Variants in TTC6 observed in about 807,000 individuals in gnomAD.
TTC6 encodes the protein tetratricopeptide repeat protein 6.
Under a neutral mutation model 210.4 loss-of-function variants are expected in TTC6, and 172 were observed. The ratio of observed to expected loss-of-function variants is 0.82; its 90% CI spans 0.72 to 0.93. TTC6 has a LOEUF of 0.93. Ranked by LOEUF, TTC6 falls within the 40% of genes least tolerant of loss-of-function variation. The pLI is 0.00. For synonymous variants in TTC6, 804 were observed against 819.6 expected, an observed-to-expected ratio of 0.98 and a Z score of 0.32; for missense variants, 2,414 against 2,318.1, an observed-to-expected ratio of 1.04 and a Z score of -0.85.
At chr14:37,604,458 C>T (rs2095621452) in intron 1 of TTC6, among the ~76,000 whole-genome samples, 1 of 152,116 alleles carries the variant, frequency 6.6e-6, no homozygotes, top group South Asian at 2.1e-4. Flanking sequence ...CCCTTCCTCC[C>T]CCTAGGCGAG....
At position 37,654,145 on chromosome 14, in the gene TTC6, C is replaced by CTTCAGTATTG. The variant is rs1276808309; in HGVS notation, c.940-26005_940-26004insTCAGTATTGT. Among the ~76,000 whole-genome samples the CTTCAGTATTG allele has an allele frequency of 2.6e-5, 4 of 152,106 alleles. No homozygotes were observed. In the East Asian group the frequency reaches 5.8e-4, roughly 22 times the overall value. On this transcript the variant is annotated intron_variant, in intron 1 of 30. Coordinates refer to ENST00000553443, the Ensembl canonical transcript of TTC6. ...TAATCCCCAATACTGAAGGTGGGGC[C>CTTCAGTATTG]TGTTGTGAGGGGACTGGATCATGGG... is the stretch of plus-strand genomic sequence containing the variant.
chr14:37,723,781 C>T (rs2095866365), intron 6 of TTC6, among the ~76,000 whole-genome samples: 2 of 152,124 alleles, frequency 1.3e-5, no homozygotes, highest in Admixed American at 1.3e-4. Context: ...GTTTGTAATA[C>T]AGTTAGATTG....
chr14:37,647,241 A>G lies in TTC6; in HGVS notation c.939+24238A>G, dbSNP rs368575073. 3.9e-5 allele frequency among the ~76,000 whole-genome samples: 6 copies of G among 152,334 alleles called. No homozygotes were observed. In the East Asian group the frequency reaches 7.7e-4, roughly 20 times the overall value. On this transcript the variant is annotated intron_variant, in intron 1 of 30. Transcript: ENST00000553443. Reference sequence around the variant, plus strand: ...ACACTGGAGGGTTTTGAGCAGGGACATGACATGATCTGATCTTGTTTTAAA... The same window carrying G: ...ACACTGGAGGGTTTTGAGCAGGGACGTGACATGATCTGATCTTGTTTTAAA...
intron 1 of TTC6, among the ~76,000 whole-genome samples, chr14:37,674,647 C>T (rs1244362675): frequency 6.6e-6 from 1 of 152,140 alleles, no homozygotes; most frequent in Non-Finnish European, 1.5e-5. Flanking sequence ...ACCGCTTTAT[C>T]ATTCCACCTT....
At chr14:37,609,563 T>C (rs1053384510) in intron 2 of TTC6, among the ~76,000 whole-genome samples, 2 of 152,220 alleles carry the variant, frequency 1.3e-5, no homozygotes, top group Admixed American at 1.3e-4. Flanking sequence ...GCCTAGTTCA[T>C]GGATTGTATT....
chr14:37,657,085 A>G (rs177872), intron 1 of TTC6, among the ~76,000 whole-genome samples: 43,900 of 151,422 alleles, frequency 0.29, 6,651 homozygotes, highest in Non-Finnish European at 0.34. Flanking sequence ...AGTGGCGCAT[A>G]CCGGTAGCCC....
chr14:37,712,679 G>A (rs142708778), intron 5 of TTC6, among the ~76,000 whole-genome samples: 1 of 152,072 alleles, frequency 6.6e-6, no homozygotes, highest in African/African-American at 2.4e-5. Context: ...AGGGGGAAAA[G>A]CCCCTTATGA....
In TTC6 at chr14:37,818,410, G is replaced by T. The variant is rs187754888; in HGVS notation, c.4763+759G>T. The stretch of plus-strand genomic sequence containing the variant: ...AAATTATTGAGATTCAGCCTGCGAG[G>T]ATTTTAATTTGTGATGAAATGTATT... On this transcript the variant is annotated intron_variant, in intron 26 of 30. Coordinates refer to ENST00000553443, the Ensembl canonical transcript of TTC6. Among the ~76,000 whole-genome samples, 147 of 152,158 alleles carry T rather than the reference G, an allele frequency of 9.7e-4. 2 individuals are homozygous for T. The highest frequency in any genetic ancestry group is 3.4e-3 in the African/African-American group (140 of 41,508).
rs554960260 is a variant in TTC6 at position 37,679,441 on chromosome 14, G to A, written c.940-710G>A. Among the ~76,000 whole-genome samples, 6 of 152,170 alleles carry A rather than the reference G, an allele frequency of 3.9e-5. No individual in the cohort carries two copies. The South Asian group carries it at 1.2e-3, about 32-fold the overall frequency. ...GAGTATATCATTGCAATTGTCATTA[G>A]CTATGGTAAAAATGATACTAACAGT... On this transcript the variant is annotated intron_variant, in intron 1 of 30. Transcript: ENST00000553443.
chr14:37,638,596 A>G (rs1157257964), intron 1 of TTC6, among the ~76,000 whole-genome samples: 1 of 146,016 alleles, frequency 6.8e-6, no homozygotes, highest in Non-Finnish European at 1.5e-5. Context: ...GGAATGGAGA[A>G]CAAGTTTGTG....
At chr14:37,805,172 A>G (rs904267786) in intron 21 of TTC6, among the ~76,000 whole-genome samples, 4 of 152,240 alleles carry the variant, frequency 2.6e-5, no homozygotes, top group African/African-American at 7.2e-5. Flanking sequence ...TGTAGAATAA[A>G]TGGAAAAGAT....
At chr14:37,833,652 ATTG>A (rs1332659842) in intron 29 of TTC6, among the ~76,000 whole-genome samples, 1 of 151,824 alleles carries the variant, frequency 6.6e-6, no homozygotes, top group Non-Finnish European at 1.5e-5. Context: ...TTGTTTTCTT[ATTG>A]TTTTCTATAT....
intron 3 of TTC6, among the ~76,000 whole-genome samples, chr14:37,694,012 A>T (rs1317513944): frequency 6.6e-6 from 1 of 151,680 alleles, no homozygotes; most frequent in East Asian, 1.9e-4. Flanking sequence ...ACAAACAAAC[A>T]AACACTGGGG....
chr14:37,727,818 T>C (rs2095876713), intron 7 of TTC6, among the ~76,000 whole-genome samples: 1 of 151,928 alleles, frequency 6.6e-6, no homozygotes, highest in South Asian at 2.1e-4. Flanking sequence ...TGGAATTATT[T>C]TGTTTAAATT....
intron 14 of TTC6, among the ~76,000 whole-genome samples, chr14:37,778,630 T>C (rs2096045363): frequency 6.6e-6 from 1 of 152,034 alleles, no homozygotes; most frequent in African/African-American, 2.4e-5. Context: ...GGGGAGGCCC[T>C]GGTGGAGGGA....
At chr14:37,644,324 G>T (rs2095697749) in intron 1 of TTC6, among the ~76,000 whole-genome samples, 1 of 152,182 alleles carries the variant, frequency 6.6e-6, no homozygotes, top group Non-Finnish European at 1.5e-5. Context: ...CCAGAATCCT[G>T]CCATTTGAGT....
intron 29 of TTC6, among the ~76,000 whole-genome samples, chr14:37,832,785 C>T (rs1036849624): frequency 6.6e-5 from 10 of 151,966 alleles, no homozygotes; most frequent in South Asian, 2.1e-4. Context: ...TCTGGCCACG[C>T]GCGGTGGCTT....
At chr14:37,617,041 T>C (rs2095643922) in intron 2 of TTC6, among the ~76,000 whole-genome samples, 1 of 151,982 alleles carries the variant, frequency 6.6e-6, no homozygotes, top group Non-Finnish European at 1.5e-5. Flanking sequence ...CATGCCCGGT[T>C]AATTTTTTAC....
intron 3 of TTC6, among the ~76,000 whole-genome samples, chr14:37,692,086 A>G (rs117041561): frequency 2.8e-3 from 425 of 151,828 alleles, no homozygotes; most frequent in Non-Finnish European, 5.0e-3. Context: ...TCACTGCTGA[A>G]TTGAAAGCAC....
Sources: gnomAD v4.1 joint callset for allele counts (sites outside exome capture counted in the v4.1 genomes callset) on GRCh38, gnomAD v4.1.1 for gene constraint, MANE v1.5 for transcripts, NCBI Gene and HGNC (gene_info 2026-07-23, HGNC 2026-07-21) for gene names.